MRPL19: variants seen among roughly 807,000 people sequenced by gnomAD.
The protein encoded by MRPL19 is mitochondrial ribosomal protein L19.
In MRPL19, 31 loss-of-function variants were observed where a neutral mutation model predicts 34.0. The observed-to-expected ratio is 0.91, with a 90% CI of 0.68 to 1.23. The LOEUF (loss-of-function observed/expected upper bound fraction) is 1.23, where lower values mean the gene tolerates loss of function less well. Among genes scored for constraint, MRPL19 ranks in the 50% most tolerant of loss-of-function variants. The probability of loss-of-function intolerance (pLI) is 0.00; values close to 1 mark genes in which losing one functional copy is unlikely to be tolerated. For synonymous variants in MRPL19, 152 were observed against 127.7 expected (o/e 1.19, Z -1.28); for missense variants, 384 against 367.6 (o/e 1.04, Z -0.37).
Position 75,655,764 on chromosome 2 carries a change from T to A in MRPL19, c.*479T>A, listed in dbSNP as rs1678435809. ...AGACTCCAGTAAATCTGCAATTGTATCTCTCTCCTTTTTAAATGTAAATAT... is the reference window on the plus strand; with the variant it reads ...AGACTCCAGTAAATCTGCAATTGTAACTCTCTCCTTTTTAAATGTAAATAT... On this transcript the variant is annotated 3_prime_UTR_variant, in exon 6 of 6. Coordinates refer to ENST00000393909, the MANE Select transcript of MRPL19 (RefSeq NM_014763.4). 6.6e-6 allele frequency: 1 copy of A among 152,256 alleles called. No individual in the cohort carries two copies. The highest frequency in any genetic ancestry group is 2.1e-4 in the South Asian group (1 of 4,836). 9.4% of individuals were successfully genotyped at this position (152,256 alleles called of 1,614,324 possible).
At position 75,652,126 on chromosome 2, in the gene MRPL19, T is replaced by A. The variant is rs371075214; in HGVS notation, c.222-16T>A. The A allele has an allele frequency of 5.0e-5, 72 of 1,440,856 alleles. No individual in the cohort carries two copies. In the African/African-American group the frequency reaches 6.6e-4, roughly 13 times the overall value. 89.3% of individuals were successfully genotyped at this position (1,440,856 alleles called of 1,614,324 possible). ...TTTTGAGTTTACTTTTAATTATTTA[T>A]TTGTATTTTTTACAGGTTCTTGAGT... On this transcript the variant is annotated splice_polypyrimidine_tract_variant and intron_variant, in intron 2 of 5. Coordinates refer to ENST00000393909, the MANE Select transcript of MRPL19 (RefSeq NM_014763.4).
chr2:75,654,487 T>A lies in MRPL19; in HGVS notation c.476-249T>A, dbSNP rs1290659245. Among the ~76,000 whole-genome samples the A allele has an allele frequency of 2.6e-5, 4 of 152,204 alleles. 1 individual carries two copies. Among genetic ancestry groups the A allele is most frequent in the Non-Finnish European group, 5.9e-5 (4 of 68,044 alleles). Reference sequence around the variant, plus strand: ...TGAAGAGATATGTGACTCAACATATTTCTAGAAGCCATTTTTTTCTTTTTT... The same window carrying A: ...TGAAGAGATATGTGACTCAACATATATCTAGAAGCCATTTTTTTCTTTTTT... On this transcript the variant is annotated intron_variant, in intron 4 of 5. Coordinates refer to ENST00000393909, the MANE Select transcript of MRPL19 (RefSeq NM_014763.4).
rs1233068378 is a variant in MRPL19, at chr2:75,657,385, G to A, written c.*2100G>A. On this transcript the variant is annotated 3_prime_UTR_variant, in exon 6 of 6. Transcript: ENST00000393909. Reference sequence around the variant, plus strand: ...TTCCTGGAGGGGTCTGTCCAGGAAGGAGATTGTCTAGGGGTCTGTCAGACA... The same window carrying A: ...TTCCTGGAGGGGTCTGTCCAGGAAGAAGATTGTCTAGGGGTCTGTCAGACA... 1 of 152,056 alleles carries A rather than the reference G, an allele frequency of 6.6e-6. No homozygotes were observed. Among genetic ancestry groups the A allele is most frequent in the Non-Finnish European group, 1.5e-5 (1 of 68,000 alleles). The allele number at this position is 152,056 out of a possible 1,614,324, so 9.4% of individuals were successfully genotyped here. A position where few individuals can be genotyped will look rare whatever the true frequency, so the allele number is the denominator to read the frequency against.
rs1171100702 is a variant in MRPL19, at chr2:75,657,116, A to G, written c.*1831A>G. The G allele has an allele frequency of 1.3e-5, 2 of 151,552 alleles. No individual in the cohort carries two copies. The highest frequency in any genetic ancestry group is 2.9e-5 in the Non-Finnish European group (2 of 67,882). 9.4% of individuals were successfully genotyped at this position (151,552 alleles called of 1,614,324 possible). ...TTCATTTAAAATTGTTTGCGCATCT[A>G]TTTCCTCCAAATTTCTTTCTGTATT... On this transcript the variant is annotated 3_prime_UTR_variant, in exon 6 of 6. Coordinates refer to ENST00000393909, the MANE Select transcript of MRPL19 (RefSeq NM_014763.4).
At chr2:75,655,016 C>T in intron 5 of MRPL19, 48 bp from the exon 6 acceptor site, 1 of 1,360,322 alleles carries the variant, frequency 7.4e-7, no homozygotes, top group African/African-American at 1.5e-5. Context: ...TCATGCCTAT[C>T]AGCCTAATTA....
intron 2 of MRPL19, chr2:75,651,911 A>C (rs1371149650): frequency 3.2e-6 from 1 of 308,784 alleles, no homozygotes; most frequent in Non-Finnish European, 6.0e-6. Context: ...TAGAAGGATT[A>C]ATTTATGCTA....
chr2:75,658,121 T>C lies in MRPL19; in HGVS notation c.*2836T>C, dbSNP rs963360099. ...ACAAGGTCTCATTCTATCACTCAGG[T>C]AGGAGTGCAGTGGTGTGATCATAGC... On this transcript the variant is annotated 3_prime_UTR_variant, in exon 6 of 6. Coordinates refer to ENST00000393909, the MANE Select transcript of MRPL19 (RefSeq NM_014763.4). Among the ~76,000 whole-genome samples, 1 of 152,062 alleles carries C rather than the reference T, an allele frequency of 6.6e-6. No homozygotes were observed. The highest frequency in any genetic ancestry group is 1.5e-5 in the Non-Finnish European group (1 of 67,980).
At chr2:75,650,771 G>A (rs1360993632) in intron 2 of MRPL19, among the ~76,000 whole-genome samples, 1 of 152,116 alleles carries the variant, frequency 6.6e-6, no homozygotes, top group African/African-American at 2.4e-5. Flanking sequence ...ATTATTAAAC[G>A]TGGTCAAGGA....
rs1678465985 is a variant in MRPL19 at position 75,656,846 on chromosome 2, T to G, written c.*1561T>G. ...GGTTGATGATTTATTCTCTGCTGCT[T>G]TGTTCTCCCAACTATTATTTGGATG... is the stretch of plus-strand genomic sequence containing the variant. On this transcript the variant is annotated 3_prime_UTR_variant, in exon 6 of 6. Coordinates refer to ENST00000393909, the MANE Select transcript of MRPL19 (RefSeq NM_014763.4). 1 of 152,156 alleles carries G rather than the reference T, an allele frequency of 6.6e-6. No homozygotes were observed. Among genetic ancestry groups the G allele is most frequent in the South Asian group, 2.1e-4 (1 of 4,834 alleles). The allele number at this position is 152,156 out of a possible 1,614,324, so 9.4% of individuals were successfully genotyped here. A position where few individuals can be genotyped will look rare whatever the true frequency, so the allele number is the denominator to read the frequency against.
At chr2:75,649,143 C>T (rs1678279771) in intron 2 of MRPL19, among the ~76,000 whole-genome samples, 1 of 152,148 alleles carries the variant, frequency 6.6e-6, no homozygotes, top group African/African-American at 2.4e-5. Flanking sequence ...AGATAGTAGG[C>T]CTTGACTGTT....
At chr2:75,649,011 T>C (rs1020519750) in intron 2 of MRPL19, among the ~76,000 whole-genome samples, 1 of 152,246 alleles carries the variant, frequency 6.6e-6, no homozygotes, top group African/African-American at 2.4e-5. Context: ...TTGGTACCAG[T>C]TGATATTATG....
chr2:75,654,300 G>C (rs1400506265), intron 4 of MRPL19, among the ~76,000 whole-genome samples: 1 of 152,098 alleles, frequency 6.6e-6, no homozygotes, highest in Non-Finnish European at 1.5e-5. Flanking sequence ...CTTAATCAAA[G>C]GAGCTTCTAA....
chr2:75,656,555 G>C lies in MRPL19; in HGVS notation c.*1270G>C, dbSNP rs909674003. ...AAGTTTGTGTGGAGGTAAAATTTTT[G>C]AGACCTTGCATGTCTCATGTTTGAT... On this transcript the variant is annotated 3_prime_UTR_variant, in exon 6 of 6. Coordinates refer to ENST00000393909, the MANE Select transcript of MRPL19 (RefSeq NM_014763.4). The C allele has an allele frequency of 6.9e-6, 1 of 144,984 alleles. No homozygotes were observed. The highest frequency in any genetic ancestry group is 1.6e-5 in the Non-Finnish European group (1 of 64,056). The allele number at this position is 144,984 out of a possible 1,614,324, so 9.0% of individuals were successfully genotyped here.
intron 4 of MRPL19, 128 bp from the exon 5 acceptor site, chr2:75,654,608 A>G (rs1678397822): frequency 4.0e-6 from 3 of 741,890 alleles, no homozygotes; most frequent in Non-Finnish European, 4.1e-6. Context: ...AAAAATTTCA[A>G]ATTAACGGCA....
At chr2:75,647,389 C>T in intron 2 of MRPL19, 170 bp downstream of exon 2, 1 of 628,160 alleles carries the variant, frequency 1.6e-6, no homozygotes, top group Non-Finnish European at 2.7e-6. Flanking sequence ...TCACTTCTCC[C>T]CAAGCCAGCA....
At chr2:75,649,144 C>T (rs1337622141) in intron 2 of MRPL19, among the ~76,000 whole-genome samples, 1 of 152,106 alleles carries the variant, frequency 6.6e-6, no homozygotes, top group Non-Finnish European at 1.5e-5. Context: ...GATAGTAGGC[C>T]TTGACTGTTC....
In MRPL19 at chr2:75,654,889, A is replaced by G; in HGVS notation, c.629A>G (p.Glu210Gly). The change falls in exon 5 of 6, where the codon GAG becomes GGG. Residue 210 changes from glutamate to glycine, a missense_variant. Physicochemically the swap from Glu to Gly is moderately conservative, Grantham distance 98 (BLOSUM62 -2). Coordinates refer to ENST00000393909, the MANE Select transcript of MRPL19 (RefSeq NM_014763.4). ...GTGAATATGAAGCCAGTAGTACAAGAGCCTAACCAAAAAGTTCCTGTTAAT... is the reference window on the plus strand; with the variant it reads ...GTGAATATGAAGCCAGTAGTACAAGGGCCTAACCAAAAAGTTCCTGTTAAT... ...FDVNMKPVVQEPNQKVPVNEL... is the reference protein window; with the variant it reads ...FDVNMKPVVQGPNQKVPVNEL... The G allele has an allele frequency of 1.2e-6, 2 of 1,613,662 alleles. No individual in the cohort carries two copies. The highest frequency in any genetic ancestry group is 1.7e-6 in the Non-Finnish European group (2 of 1,179,820).
rs1212602383 is a variant in MRPL19 at position 75,654,873 on chromosome 2, A to C, written c.613A>C (p.Lys205Gln). 2 of 1,613,742 alleles carry C rather than the reference A, an allele frequency of 1.2e-6. No homozygotes were observed. The highest frequency in any genetic ancestry group is 3.3e-5 in the Admixed American group (2 of 59,954). The change falls in exon 5 of 6, where the codon AAG (lysine) becomes CAG (glutamine). Residue 205 changes from lysine to glutamine, a missense_variant. Coordinates refer to ENST00000393909, the MANE Select transcript of MRPL19 (RefSeq NM_014763.4). ...PEYSTFDVNM[K>Q]PVVQEPNQKV... The stretch of plus-strand genomic sequence containing the variant: ...ATATAGCACTTTTGATGTGAATATG[A>C]AGCCAGTAGTACAAGAGCCTAACCA...
At chr2:75,648,832 G>C (rs1279595845) in intron 2 of MRPL19, among the ~76,000 whole-genome samples, 1 of 152,182 alleles carries the variant, frequency 6.6e-6, no homozygotes, top group Non-Finnish European at 1.5e-5. Context: ...TCGTGCCACT[G>C]CACTCCAGCC....
Sources: allele counts gnomAD v4.1 joint callset (sites outside exome capture counted in the v4.1 genomes callset), GRCh38; gene constraint gnomAD v4.1.1; transcripts MANE v1.5; gene names NCBI Gene and HGNC (gene_info 2026-07-23, HGNC 2026-07-21).